Variants in CLTA observed in about 807,000 individuals in gnomAD.
The protein encoded by CLTA is clathrin light chain A.
Under a neutral mutation model 26.9 loss-of-function variants are expected in CLTA, and 9 were observed. The ratio of observed to expected loss-of-function variants is 0.33; its 90% confidence interval spans 0.20 to 0.58. The LOEUF is 0.58. CLTA is among the 20% of genes least tolerant of loss of function. The pLI is 0.85. For missense variants in CLTA, 278 were observed against 294.2 expected (o/e 0.94, Z 0.40); for synonymous variants, 120 against 115.5 (o/e 1.04, Z -0.25).
At position 36,191,280 on chromosome 9, in the gene CLTA, G is replaced by C. The variant is rs991652295; in HGVS notation, c.217+7G>C. 1 of 1,508,204 alleles carries C rather than the reference G, an allele frequency of 6.6e-7. No individual in the cohort carries two copies. The highest frequency in any genetic ancestry group is 8.8e-7 in the Non-Finnish European group (1 of 1,135,538). 93.4% of individuals were successfully genotyped at this position (1,508,204 alleles called of 1,614,324 possible). On this transcript the variant is annotated splice_region_variant and intron_variant, in intron 1 of 4. Transcript: ENST00000345519. ...GAGCCGCCGGGGGGTCCGGGTGAGA[G>C]TGCGGGCGCGTTTGGGGCGAGAGGA...
At chr9:36,209,329 C>A in intron 4 of CLTA, 2 of 1,581,762 alleles carry the variant, frequency 1.3e-6, no homozygotes, top group Non-Finnish European at 1.7e-6. Context: ...GTGTATGTTG[C>A]AAAACTAATT....
At chr9:36,193,658 T>TCC (rs1826866052) in intron 1 of CLTA, among the ~76,000 whole-genome samples, 1 of 152,214 alleles carries the variant, frequency 6.6e-6, no homozygotes, top group South Asian at 2.1e-4. Flanking sequence ...TTCTGATGTA[T>TCC]TATACAGAGA....
At chr9:36,200,738 CTG>C (rs1827357399) in intron 3 of CLTA, among the ~76,000 whole-genome samples, 1 of 152,288 alleles carries the variant, frequency 6.6e-6, no homozygotes, top group East Asian at 1.9e-4. Flanking sequence ...CCACATGTAA[CTG>C]TTAAGTACTT....
At chr9:36,198,874 CAA>C (rs374265014) in intron 2 of CLTA, 103 bp from the exon 3 acceptor site, 10,991 of 444,322 alleles carry the variant, frequency 0.025, no homozygotes, top group Middle Eastern at 0.031. Context: ...AACTCTGTCT[CAA>C]AAAAAAAAAA....
intron 4 of CLTA, among the ~76,000 whole-genome samples, chr9:36,204,833 C>G (rs948488221): frequency 2.6e-5 from 4 of 152,182 alleles, no homozygotes; most frequent in African/African-American, 9.7e-5. Context: ...ATGCCCTACA[C>G]TTAGAGCCCT....
At chr9:36,191,359 C>T in intron 1 of CLTA, 86 bp downstream of exon 1, 1 of 1,380,600 alleles carries the variant, frequency 7.2e-7, no homozygotes, top group Non-Finnish European at 9.4e-7. Context: ...GTGACTCGTG[C>T]TCCTTGCTGA....
chr9:36,201,506 A>G (rs955625342), intron 3 of CLTA, among the ~76,000 whole-genome samples: 1 of 152,220 alleles, frequency 6.6e-6, no homozygotes. Context: ...ATTTAAATGT[A>G]CTATTTTATG....
chr9:36,198,425 C>G (rs931280052), intron 2 of CLTA, among the ~76,000 whole-genome samples: 1 of 151,808 alleles, frequency 6.6e-6, no homozygotes, highest in Non-Finnish European at 1.5e-5. Context: ...GCCTGTAATT[C>G]CAGCACTTTG....
At chr9:36,196,847 CAT>C (rs1273092042) in intron 1 of CLTA, among the ~76,000 whole-genome samples, 2 of 152,030 alleles carry the variant, frequency 1.3e-5, no homozygotes, top group African/African-American at 4.8e-5. Context: ...TTTGTACTGA[CAT>C]ATAGGAGTAA....
At chr9:36,207,355 G>A (rs556537626) in intron 4 of CLTA, among the ~76,000 whole-genome samples, 1 of 152,216 alleles carries the variant, frequency 6.6e-6, no homozygotes, top group South Asian at 2.1e-4. Context: ...AACAACCCCA[G>A]AACATTTCCC....
rs370252246 is a variant in CLTA, at chr9:36,207,172, A to G, written c.485+2993A>G. Among the ~76,000 whole-genome samples the G allele has an allele frequency of 4.6e-5, 7 of 152,250 alleles. No individual in the cohort carries two copies. In the East Asian group the frequency reaches 1.2e-3, roughly 25 times the overall value. ...ACTGGGGGTGGGTGTGCTGTACTCT[A>G]TTGTCAGTCCCCAGACTGCATCTCC... On this transcript the variant is annotated intron_variant, in intron 4 of 4. Transcript: ENST00000345519.
Position 36,197,535 on chromosome 9 carries a change from A to G in CLTA, c.218-16A>G. ...GACCAGTCCTTATTGATAGACCAAA[A>G]TCTTATGTCTTGCAGATGCTGTTGA... is the stretch of plus-strand genomic sequence containing the variant. On this transcript the variant is annotated splice_polypyrimidine_tract_variant and intron_variant, in intron 1 of 4. Transcript: ENST00000345519. 1 of 1,608,268 alleles carries G rather than the reference A, an allele frequency of 6.2e-7. No homozygotes were observed. The highest frequency in any genetic ancestry group is 8.5e-7 in the Non-Finnish European group (1 of 1,175,404).
chr9:36,195,704 C>G (rs377529205), intron 1 of CLTA, among the ~76,000 whole-genome samples: 2 of 152,130 alleles, frequency 1.3e-5, no homozygotes, highest in Admixed American at 6.6e-5. Flanking sequence ...CGGTGGCTCA[C>G]GCCTGAAATC....
chr9:36,195,976 T>TA (rs1424258005), intron 1 of CLTA, among the ~76,000 whole-genome samples: 28 of 146,510 alleles, frequency 1.9e-4, no homozygotes, highest in African/African-American at 6.4e-4. Context: ...TCAAAAAAAA[T>TA]AAAAAAATAC....
chr9:36,206,812 T>C (rs1008123204), intron 4 of CLTA, among the ~76,000 whole-genome samples: 1 of 151,926 alleles, frequency 6.6e-6, no homozygotes, highest in African/African-American at 2.4e-5. Context: ...GGAGAATCAC[T>C]AGAACCCGGG....
intron 4 of CLTA, among the ~76,000 whole-genome samples, chr9:36,208,063 T>C (rs1397352538): frequency 1.3e-5 from 2 of 152,210 alleles, no homozygotes; most frequent in African/African-American, 2.4e-5. Flanking sequence ...GCTTAAAAAT[T>C]AACTTAAAAT....
chr9:36,211,377 A>G (rs2132965559), intron 4 of CLTA, among the ~76,000 whole-genome samples: 3 of 152,324 alleles, frequency 2.0e-5, no homozygotes, highest in Middle Eastern at 6.8e-3. Context: ...GCCTTGAACC[A>G]AACACCTGTA....
intron 1 of CLTA, among the ~76,000 whole-genome samples, chr9:36,193,181 T>C (rs1385142153): frequency 6.6e-6 from 1 of 152,226 alleles, no homozygotes; most frequent in Non-Finnish European, 1.5e-5. Context: ...ACTTTCTTAG[T>C]GAACTAAGCA....
chr9:36,196,624 T>C (rs1282802650), intron 1 of CLTA, among the ~76,000 whole-genome samples: 13 of 152,052 alleles, frequency 8.5e-5, no homozygotes, highest in African/African-American at 3.1e-4. Flanking sequence ...GCTGGGATTA[T>C]AGGTGTGAGC....
Sources: allele counts gnomAD v4.1 joint callset (sites outside exome capture counted in the v4.1 genomes callset), GRCh38; gene constraint gnomAD v4.1.1; transcripts MANE v1.5; gene names NCBI Gene and HGNC (gene_info 2026-07-23, HGNC 2026-07-21).